Variants in TTYH1 observed in about 807,000 individuals in gnomAD.
TTYH1 encodes protein tweety homolog 1.
TTYH1 carries 33 observed loss-of-function variants against 61.2 expected under a neutral mutation model. That is an observed-to-expected ratio of 0.54 (90% CI 0.41 to 0.72). The LOEUF is 0.72. Ranked by LOEUF, TTYH1 falls within the 30% of genes least tolerant of loss-of-function variation. TTYH1 has a pLI of 0.00. For synonymous variants in TTYH1, 308 were observed against 266.4 expected (o/e 1.16, Z -1.52); for missense variants, 538 against 575.8 (o/e 0.93, Z 0.67).
At chr19:54,432,070 A>C (rs1166245788) in intron 10 of TTYH1, 2 of 152,074 alleles carry the variant, frequency 1.3e-5, no homozygotes, top group African/African-American at 2.4e-5. Flanking sequence ...AAATAGAAAA[A>C]GTTAGCCGGG....
At chr19:54,431,475 G>A in intron 10 of TTYH1, 1 of 430,000 alleles carries the variant, frequency 2.3e-6, no homozygotes, top group Non-Finnish European at 3.9e-6. Flanking sequence ...GTCCCTTCCT[G>A]CCACCTTTTC....
rs1262272801 is a variant in TTYH1, at chr19:54,418,984, C to T, written c.127-144C>T. On this transcript the variant is annotated intron_variant, in intron 1 of 13. Coordinates refer to ENST00000376530, the MANE Select transcript of TTYH1 (RefSeq NM_020659.4). ...TGCCAGCCTGGGAGGGGCTGGGACC[C>T]AATCTCCCCCAAGATTAGGCCAGGG... The T allele has an allele frequency of 1.8e-5, 14 of 795,362 alleles. No individual in the cohort carries two copies. In the African/African-American group the frequency reaches 1.9e-4, roughly 11 times the overall value. The allele number at this position is 795,362 out of a possible 1,614,324, so 49.3% of individuals were successfully genotyped here.
chr19:54,420,948 A>G lies in TTYH1; in HGVS notation c.306-329A>G. On this transcript the variant is annotated intron_variant, in intron 2 of 13. Coordinates refer to ENST00000376530, the MANE Select transcript of TTYH1 (RefSeq NM_020659.4). The surrounding 1 kb of genome is among the most constrained non-coding windows in gnomAD (Gnocchi z 4.8). ...TGGGGCAGGCAGTCCTAGGGAGGGG[A>G]AGACGGCCCATCCCGGAGCTGGGTG... 1 of 415,576 alleles carries G rather than the reference A, an allele frequency of 2.4e-6. No individual in the cohort carries two copies. Among genetic ancestry groups the G allele is most frequent in the South Asian group, 2.5e-5 (1 of 39,756 alleles). 25.7% of individuals were successfully genotyped at this position (415,576 alleles called of 1,614,324 possible). A position where few individuals can be genotyped will look rare whatever the true frequency, so the allele number is the denominator to read the frequency against.
intron 10 of TTYH1, chr19:54,433,594 T>A (rs1283488451): frequency 1.4e-5 from 2 of 144,708 alleles, no homozygotes; most frequent in Non-Finnish European, 1.5e-5. Flanking sequence ...GGGCTAGGGA[T>A]GGGTGCCTCG....
chr19:54,419,620 G>C lies in TTYH1; in HGVS notation c.305+314G>C. 1 of 623,144 alleles carries C rather than the reference G, an allele frequency of 1.6e-6. No homozygotes were observed. Among genetic ancestry groups the C allele is most frequent in the Admixed American group, 2.1e-5 (1 of 47,508 alleles). 38.6% of individuals were successfully genotyped at this position (623,144 alleles called of 1,614,324 possible). A position where few individuals can be genotyped will look rare whatever the true frequency, so the allele number is the denominator to read the frequency against. ...GAATAGCTGTGTGACCTAAGGGAGT[G>C]ATAGTCTCCCTGGGCCTCAATTTCC... On this transcript the variant is annotated intron_variant, in intron 2 of 13. Transcript: ENST00000376530. This position sits in a 1 kb window ranked among gnomAD's most constrained non-coding sequence, Gnocchi z 6.1.
Position 54,416,958 on chromosome 19 carries a change from C to T in TTYH1, c.126+1280C>T, listed in dbSNP as rs1010299314. The stretch of plus-strand genomic sequence containing the variant: ...TTGGGGGAGCCTCACTCCGCCCCCA[C>T]GGTCGGGGGTCAGGGTCAGGGTGGC... On this transcript the variant is annotated intron_variant, in intron 1 of 13. Transcript: ENST00000376530. This position sits in a 1 kb window ranked among gnomAD's most constrained non-coding sequence, Gnocchi z 7.0. The T allele has an allele frequency of 1.1e-5, 14 of 1,240,210 alleles. No individual in the cohort carries two copies. Among genetic ancestry groups the T allele is most frequent in the African/African-American group, 3.2e-5 (2 of 63,438 alleles). 76.8% of individuals were successfully genotyped at this position (1,240,210 alleles called of 1,614,324 possible). A position where few individuals can be genotyped will look rare whatever the true frequency, so the allele number is the denominator to read the frequency against.
rs1035896495 is a variant in TTYH1 at position 54,421,011 on chromosome 19, C to T, written c.306-266C>T. Among the ~76,000 whole-genome samples the T allele has an allele frequency of 9.9e-5, 15 of 152,144 alleles. No homozygotes were observed. Among genetic ancestry groups the T allele is most frequent in the Non-Finnish European group, 1.5e-4 (10 of 67,944 alleles). On this transcript the variant is annotated intron_variant, in intron 2 of 13. Coordinates refer to ENST00000376530, the MANE Select transcript of TTYH1 (RefSeq NM_020659.4). The surrounding 1 kb of genome is among the most constrained non-coding windows in gnomAD (Gnocchi z 4.8). The stretch of plus-strand genomic sequence containing the variant: ...TGCTCCAGGGAGGTGCGAGTTAAAT[C>T]GGGGGCTCCCTCCCCCCCACCACTC...
intron 3 of TTYH1, 150 bp from the exon 4 acceptor site, chr19:54,422,040 C>T (rs567855774): frequency 4.7e-6 from 3 of 638,220 alleles, no homozygotes; most frequent in Non-Finnish European, 5.4e-6. Context: ...CTCCCCAATC[C>T]CTTCCCTTAC....
chr19:54,424,084 C>T (rs1250147894), intron 4 of TTYH1, among the ~76,000 whole-genome samples: 1 of 152,016 alleles, frequency 6.6e-6, no homozygotes, highest in Non-Finnish European at 1.5e-5. Context: ...TCGCTTGAAC[C>T]CAGGAAGTGG....
rs538916379 is a variant in TTYH1 at position 54,416,769 on chromosome 19, C to T, written c.126+1091C>T. On this transcript the variant is annotated intron_variant, in intron 1 of 13. Transcript: ENST00000376530. This position sits in a 1 kb window ranked among gnomAD's most constrained non-coding sequence, Gnocchi z 7.0. ...GCCCCCTCTCCCCACACACGGGGAC[C>T]GCCGTCCCCTCGCCCACAGCCTCGC... 1,337 of 1,293,000 alleles carry T rather than the reference C, an allele frequency of 1.0e-3. 23 individuals carry two copies. The South Asian group carries it at 0.016, about 15-fold the overall frequency. The allele number at this position is 1,293,000 out of a possible 1,614,324, so 80.1% of individuals were successfully genotyped here. A position where few individuals can be genotyped will look rare whatever the true frequency, so the allele number is the denominator to read the frequency against.
Position 54,420,245 on chromosome 19 carries a change from G to A in TTYH1, c.305+939G>A, listed in dbSNP as rs1357364035. The stretch of plus-strand genomic sequence containing the variant: ...TTCCACAGACGGGGGGTCCCAGAGG[G>A]CCAGACGCCTGCCCCGGACCCACAG... On this transcript the variant is annotated intron_variant, in intron 2 of 13. Coordinates refer to ENST00000376530, the MANE Select transcript of TTYH1 (RefSeq NM_020659.4). The surrounding 1 kb of genome is among the most constrained non-coding windows in gnomAD (Gnocchi z 4.8). Among the ~76,000 whole-genome samples the A allele has an allele frequency of 3.3e-5, 5 of 152,168 alleles. No homozygotes were observed. The highest frequency in any genetic ancestry group is 5.9e-5 in the Non-Finnish European group (4 of 68,024).
intron 4 of TTYH1, among the ~76,000 whole-genome samples, chr19:54,423,830 AAACATTGTAAGGTGTTGGGCCATGAG>A (rs1383149920): frequency 1.3e-5 from 2 of 152,116 alleles, no homozygotes; most frequent in Non-Finnish European, 2.9e-5. Flanking sequence ...ACGCAGAGAA[AAACATTGTAAGGTGTTGGGCCATGAG>A]AACTTTGGAG....
rs1404992899 is a variant in TTYH1, at chr19:54,435,860, C to G, written c.1301C>G (p.Pro434Arg). The G allele has an allele frequency of 5.0e-6, 8 of 1,611,464 alleles. No homozygotes were observed. The East Asian group carries it at 1.8e-4, about 36-fold the overall frequency. ...TACGATGACACAGACGATGACGACC[C>G]TTTCAACCCTCAGGTACTGGATGCC... ...DDYDDTDDDD[P>R]FNPQESKRFV... Residue 434 changes from proline (P) to arginine (R), a missense_variant, in exon 12 of 14, where the codon CCT (proline) becomes CGT (arginine). This residue lies in a region of TTYH1 where 378 missense variants were observed against 401.2 expected (regional missense o/e 0.94). Coordinates refer to ENST00000376530, the MANE Select transcript of TTYH1 (RefSeq NM_020659.4).
In TTYH1 at chr19:54,436,400, T is replaced by A; in HGVS notation, c.*110T>A. The A allele has an allele frequency of 6.2e-7, 1 of 1,613,350 alleles. No homozygotes were observed. The highest frequency in any genetic ancestry group is 8.5e-7 in the Non-Finnish European group (1 of 1,179,378). ...GCCTGGGCTCTGACCACTAACACTCTTGGCCATGGACAGCCTGCACAGGAC... is the reference window on the plus strand; with the variant it reads ...GCCTGGGCTCTGACCACTAACACTCATGGCCATGGACAGCCTGCACAGGAC... On this transcript the variant is annotated 3_prime_UTR_variant, in exon 14 of 14. Transcript: ENST00000376530. This position sits in a 1 kb window ranked among gnomAD's most constrained non-coding sequence, Gnocchi z 4.3.
chr19:54,436,413 G>A lies in TTYH1; in HGVS notation c.*123G>A, dbSNP rs1352413463. 2.5e-6 allele frequency: 4 copies of A among 1,608,664 alleles called. No individual in the cohort carries two copies. The highest frequency in any genetic ancestry group is 1.7e-4 in the Middle Eastern group (1 of 6,052). ...CCACTAACACTCTTGGCCATGGACAGCCTGCACAGGACCGCCTCCCTGCTC... is the reference window on the plus strand; with the variant it reads ...CCACTAACACTCTTGGCCATGGACAACCTGCACAGGACCGCCTCCCTGCTC... On this transcript the variant is annotated 3_prime_UTR_variant, in exon 14 of 14. Transcript: ENST00000376530. The surrounding 1 kb of genome is among the most constrained non-coding windows in gnomAD (Gnocchi z 4.3).
At chr19:54,425,346 AAC>A (rs541980921) in intron 4 of TTYH1, among the ~76,000 whole-genome samples, 231 of 152,278 alleles carry the variant, frequency 1.5e-3, no homozygotes, top group Non-Finnish European at 2.6e-3. Context: ...ATAGAGTGAA[AAC>A]AGAGTTCCCA....
chr19:54,430,213 G>A (rs1482750757), intron 7 of TTYH1, among the ~76,000 whole-genome samples: 1 of 152,208 alleles, frequency 6.6e-6, no homozygotes, highest in Non-Finnish European at 1.5e-5. Flanking sequence ...GGAAAAGAGG[G>A]CAGGATAAAG....
At chr19:54,425,085 A>G (rs955321267) in intron 4 of TTYH1, among the ~76,000 whole-genome samples, 50 of 152,226 alleles carry the variant, frequency 3.3e-4, no homozygotes, top group Non-Finnish European at 1.5e-5. Context: ...CCCAGCGACC[A>G]GTGTTCAGCT....
chr19:54,427,878 C>A (rs1427229417), intron 5 of TTYH1, among the ~76,000 whole-genome samples: 5 of 152,116 alleles, frequency 3.3e-5, no homozygotes, highest in African/African-American at 1.2e-4. Context: ...CCTCATGCCC[C>A]CTGTGAGGAA....
Sources: gnomAD v4.1 joint callset for allele counts (sites outside exome capture counted in the v4.1 genomes callset) on GRCh38, gnomAD v4.1.1 for gene constraint, gnomAD v4.1.1 regional missense constraint, Gnocchi (gnomAD v3.1) non-coding constraint, MANE v1.5 for transcripts, NCBI Gene and HGNC (gene_info 2026-07-23, HGNC 2026-07-21) for gene names.